Variants in ITPRID1 observed in about 807,000 individuals in gnomAD.
ITPRID1 encodes the protein protein ITPRID1.
Under a neutral mutation model 95.4 loss-of-function variants are expected in ITPRID1, and 96 were observed. That is an observed-to-expected ratio of 1.01 (90% confidence interval 0.85 to 1.19). ITPRID1 has a LOEUF of 1.19. ITPRID1 is among the 50% of genes most tolerant of loss of function. The pLI is 0.00. For missense variants in ITPRID1, 1,339 were observed against 1,252.9 expected (o/e 1.07, Z -1.04); for synonymous variants, 510 against 453.6 (o/e 1.12, Z -1.58).
At chr7:31,590,984 G>T (rs1785840939) in intron 10 of ITPRID1, among the ~76,000 whole-genome samples, 1 of 152,170 alleles carries the variant, frequency 6.6e-6, no homozygotes, top group Non-Finnish European at 1.5e-5. Context: ...AGCCTGTCTA[G>T]CTCCAGAGTG....
chr7:31,578,287 T>C lies in ITPRID1; in HGVS notation c.1023T>C (p.Ser341=), dbSNP rs1785266889. ...TGAGCAAGCAGTGGCCTTGCTCATCTATGCCGGCCAAGCAGGCTCCTCCTT... is the reference window on the plus strand; with the variant it reads ...TGAGCAAGCAGTGGCCTTGCTCATCCATGCCGGCCAAGCAGGCTCCTCCTT... ...GLLSKQWPCS[S]MPAKQAPPSC... is the part of the protein sequence containing the mutation. The change falls in exon 9 of 15, where the codon TCT becomes TCC. Residue 341 remains serine, a synonymous_variant. Transcript: ENST00000615280. 6.2e-7 allele frequency: 1 copy of C among 1,613,938 alleles called. No homozygotes were observed. The highest frequency in any genetic ancestry group is 8.5e-7 in the Non-Finnish European group (1 of 1,179,844).
intron 10 of ITPRID1, among the ~76,000 whole-genome samples, chr7:31,613,393 G>A (rs1422202983): frequency 2.0e-5 from 3 of 152,038 alleles, no homozygotes; most frequent in Non-Finnish European, 4.4e-5. Context: ...TTGTTTTTAT[G>A]GAGGAATGGG....
chr7:31,562,652 A>AT (rs1784664650), intron 5 of ITPRID1, among the ~76,000 whole-genome samples: 1 of 152,240 alleles, frequency 6.6e-6, no homozygotes, highest in Non-Finnish European at 1.5e-5. Flanking sequence ...GATGTAAAAT[A>AT]TATGACTCTT....
intron 10 of ITPRID1, among the ~76,000 whole-genome samples, chr7:31,590,439 T>A (rs571157974): frequency 6.6e-6 from 1 of 152,312 alleles, no homozygotes; most frequent in Admixed American, 6.5e-5. Flanking sequence ...AAGAGGTGGT[T>A]GCAGTTGGAC....
In ITPRID1 at chr7:31,554,456, T is replaced by C. The variant is rs200507019; in HGVS notation, c.164-19T>C. On this transcript the variant is annotated intron_variant, in intron 3 of 14. Transcript: ENST00000615280. ...CTGGTTGTGCTTTGACTAACTGATC[T>C]GTTCTTTCTTACTTGTAGAAGATTC... 6.3e-4 allele frequency: 1,020 copies of C among 1,610,562 alleles called. 4 individuals carry two copies. The Middle Eastern group carries it at 0.015, about 23-fold the overall frequency.
chr7:31,606,533 G>A (rs1786633964), intron 10 of ITPRID1, among the ~76,000 whole-genome samples: 1 of 152,150 alleles, frequency 6.6e-6, no homozygotes, highest in Non-Finnish European at 1.5e-5. Context: ...TAAAACAAAT[G>A]CCACTTAGGT....
Position 31,549,458 on chromosome 7 carries a change from C to G in ITPRID1, c.-65C>G, listed in dbSNP as rs1274322644. ...CAGGATAAGGACAAGAAGCAACACA[C>G]AGAAGAGAAGGAAAAAGAAAGAAAA... On this transcript the variant is annotated 5_prime_UTR_variant, in exon 2 of 15. Coordinates refer to ENST00000615280, the MANE Select transcript of ITPRID1 (RefSeq NM_001257967.3). 2 of 1,518,704 alleles carry G rather than the reference C, an allele frequency of 1.3e-6. No homozygotes were observed. Among genetic ancestry groups the G allele is most frequent in the Admixed American group, 4.1e-5 (2 of 48,918 alleles). 94.1% of individuals were successfully genotyped at this position (1,518,704 alleles called of 1,614,324 possible).
At chr7:31,532,133 T>G (rs1478441152) in intron 1 of ITPRID1, among the ~76,000 whole-genome samples, 3 of 152,160 alleles carry the variant, frequency 2.0e-5, no homozygotes, top group Non-Finnish European at 4.4e-5. Context: ...TATATACAAT[T>G]TTATAACATG....
chr7:31,553,290 G>C (rs1784346089), intron 3 of ITPRID1, 103 bp downstream of exon 3: 2 of 1,104,596 alleles, frequency 1.8e-6, no homozygotes, highest in Admixed American at 5.5e-5. Context: ...AAAAGTATTT[G>C]GCTTTGAATA....
intron 1 of ITPRID1, among the ~76,000 whole-genome samples, chr7:31,530,151 C>T (rs575697966): frequency 6.6e-6 from 1 of 152,220 alleles, no homozygotes; most frequent in East Asian, 1.9e-4. Context: ...GTTATATAGC[C>T]TCTATGTTCT....
At chr7:31,605,601 T>A (rs997615119) in intron 10 of ITPRID1, among the ~76,000 whole-genome samples, 4 of 152,190 alleles carry the variant, frequency 2.6e-5, no homozygotes, top group Admixed American at 6.5e-5. Context: ...ATGATAAGCA[T>A]GAGACTTTAG....
chr7:31,617,266 A>AAAATGATAAT (rs1611054), intron 10 of ITPRID1, among the ~76,000 whole-genome samples: 1 of 152,078 alleles, frequency 6.6e-6, no homozygotes, highest in African/African-American at 2.4e-5. Context: ...CAACAATTTA[A>AAAATGATAAT]CTTTGCAAAG....
chr7:31,608,627 T>A (rs1786728475), intron 10 of ITPRID1, among the ~76,000 whole-genome samples: 1 of 151,818 alleles, frequency 6.6e-6, no homozygotes, highest in Middle Eastern at 3.2e-3. Context: ...TTATTGTGAA[T>A]GAAATTGTTC....
chr7:31,548,636 G>C (rs1239238631), intron 1 of ITPRID1, among the ~76,000 whole-genome samples: 1 of 152,102 alleles, frequency 6.6e-6, no homozygotes, highest in African/African-American at 2.4e-5. Flanking sequence ...GCCAGATGAA[G>C]TGATGTTCAC....
rs921527106 is a variant in ITPRID1, at chr7:31,656,478, C to G, written c.*3649C>G. 1.0e-6 allele frequency: 1 copy of G among 981,838 alleles called. No homozygotes were observed. Among genetic ancestry groups the G allele is most frequent in the Non-Finnish European group, 1.2e-6 (1 of 826,872 alleles). 60.8% of individuals were successfully genotyped at this position (981,838 alleles called of 1,614,324 possible). A position where few individuals can be genotyped will look rare whatever the true frequency, so the allele number is the denominator to read the frequency against. On this transcript the variant is annotated 3_prime_UTR_variant, in exon 15 of 15. Coordinates refer to ENST00000615280, the MANE Select transcript of ITPRID1 (RefSeq NM_001257967.3). ...TGGCTATTATTACAAGTGCACATAC[C>G]AAGAACTCAATAAATGCTAACTGTA...
chr7:31,650,502 T>A (rs995961197), intron 12 of ITPRID1, among the ~76,000 whole-genome samples: 5 of 151,944 alleles, frequency 3.3e-5, no homozygotes, highest in Admixed American at 6.6e-5. Flanking sequence ...TCAGGAGCAA[T>A]GGGAAGGATT....
chr7:31,652,484 C>T (rs1791048886), intron 14 of ITPRID1, 34 bp from the exon 15 acceptor site: 1 of 1,548,292 alleles, frequency 6.5e-7, no homozygotes, highest in Middle Eastern at 2.0e-4. Context: ...ATGTGATGTG[C>T]TGTTTACTCT....
At chr7:31,631,137 T>A (rs1245940398) in intron 10 of ITPRID1, among the ~76,000 whole-genome samples, 1 of 152,146 alleles carries the variant, frequency 6.6e-6, no homozygotes, top group East Asian at 1.9e-4. Flanking sequence ...TCTTTTAACA[T>A]TATAAGAAAA....
rs544296244 is a variant in ITPRID1 at position 31,599,651 on chromosome 7, CTT to C, written c.1228+16462_1228+16463del. Among the ~76,000 whole-genome samples the C allele has an allele frequency of 1.5e-4, 3 of 20,176 alleles. 1 individual carries two copies. Among genetic ancestry groups the C allele is most frequent in the African/African-American group, 5.1e-4 (3 of 5,894 alleles). The allele number at this position is 20,176 out of a possible 152,430, so 13.2% of individuals were successfully genotyped here. A position where few individuals can be genotyped will look rare whatever the true frequency, so the allele number is the denominator to read the frequency against. On this transcript the variant is annotated intron_variant, in intron 10 of 14. Transcript: ENST00000615280. ...TTTCTTTCTTTCTTTCTTTCTTTTTCTTTCTTTCCTTTCTCTCTCTCTCTCTC... is the reference window on the plus strand; with the variant it reads ...TTTCTTTCTTTCTTTCTTTCTTTTTCTCTTTCCTTTCTCTCTCTCTCTCTC...
Sources: allele counts gnomAD v4.1 joint callset (sites outside exome capture counted in the v4.1 genomes callset), GRCh38; gene constraint gnomAD v4.1.1; transcripts MANE v1.5; gene names NCBI Gene and HGNC (gene_info 2026-07-23, HGNC 2026-07-21).